FBXL7: variants seen among roughly 807,000 people sequenced by gnomAD.
FBXL7 encodes F-box and leucine rich repeat protein 7, also known as F-box/LRR-repeat protein 7.
FBXL7 carries 12 observed loss-of-function variants against 38.3 expected under a neutral mutation model. The observed-to-expected ratio is 0.31, with a 90% CI of 0.20 to 0.51. FBXL7 has a LOEUF of 0.51. Among genes scored for constraint, FBXL7 ranks in the 20% least tolerant of loss-of-function variants. FBXL7 has a pLI of 0.98. For synonymous variants in FBXL7, 297 were observed against 300.9 expected (o/e 0.99, Z 0.13); for missense variants, 567 against 676.4 (o/e 0.84, Z 1.79).
chr5:15,896,100 C>T (rs1741097812), intron 2 of FBXL7, among the ~76,000 whole-genome samples: 1 of 151,644 alleles, frequency 6.6e-6, no homozygotes, highest in South Asian at 2.1e-4. Flanking sequence ...TCTCAGCTCA[C>T]TGCAACCGCT....
At chr5:15,583,695 C>G (rs888094226) in intron 1 of FBXL7, among the ~76,000 whole-genome samples, 1 of 152,232 alleles carries the variant, frequency 6.6e-6, no homozygotes, top group Non-Finnish European at 1.5e-5. Flanking sequence ...AGCTGCTTCA[C>G]AGGCTGTCGT....
chr5:15,502,000 A>T (rs527475045), intron 1 of FBXL7, among the ~76,000 whole-genome samples: 2 of 151,326 alleles, frequency 1.3e-5, no homozygotes, highest in Non-Finnish European at 2.9e-5. Flanking sequence ...ATGTGAAAGT[A>T]TGCCAAAAAA....
At chr5:15,898,752 C>T (rs142580949) in intron 2 of FBXL7, among the ~76,000 whole-genome samples, 76 of 152,298 alleles carry the variant, frequency 5.0e-4, no homozygotes, top group Middle Eastern at 3.4e-3. Context: ...CATAGAAAAA[C>T]GGCAGCTCAG....
intron 2 of FBXL7, among the ~76,000 whole-genome samples, chr5:15,766,663 A>G (rs1333494368): frequency 2.0e-5 from 3 of 152,242 alleles, no homozygotes; most frequent in Non-Finnish European, 4.4e-5. Context: ...TATCTCTGGT[A>G]TATTCTTCTT....
intron 2 of FBXL7, among the ~76,000 whole-genome samples, chr5:15,616,729 G>T (rs930042882): frequency 6.6e-6 from 1 of 152,148 alleles, no homozygotes; most frequent in African/African-American, 2.4e-5. Context: ...TGTTTCTATT[G>T]TAATTATTTA....
chr5:15,824,646 A>G (rs1201887319), intron 2 of FBXL7, among the ~76,000 whole-genome samples: 1 of 152,122 alleles, frequency 6.6e-6, no homozygotes, highest in East Asian at 1.9e-4. Flanking sequence ...AGACAATAGC[A>G]ATTTTCTTTT....
chr5:15,738,108 G>A (rs1200574740), intron 2 of FBXL7, among the ~76,000 whole-genome samples: 7 of 152,106 alleles, frequency 4.6e-5, no homozygotes, highest in East Asian at 1.9e-4. Flanking sequence ...CACATTCTAC[G>A]AGGGAGGAGG....
At chr5:15,776,835 A>G (rs940178785) in intron 2 of FBXL7, among the ~76,000 whole-genome samples, 8 of 152,090 alleles carry the variant, frequency 5.3e-5, no homozygotes, top group Non-Finnish European at 1.2e-4. Flanking sequence ...ATTTATGGAG[A>G]TAATAATTAT....
Position 15,713,831 on chromosome 5 carries a change from T to C in FBXL7, c.127+97759T>C, listed in dbSNP as rs949736532. Among the ~76,000 whole-genome samples, 7 of 152,176 alleles carry C rather than the reference T, an allele frequency of 4.6e-5. No homozygotes were observed. In the South Asian group the frequency reaches 1.2e-3, roughly 27 times the overall value. The stretch of plus-strand genomic sequence containing the variant: ...TTGGAGAAAGAAGAATTAGGAAATG[T>C]GGAGAAAGTTTGGTGGATGATAAAA... On this transcript the variant is annotated intron_variant, in intron 2 of 3. Transcript: ENST00000504595.
At chr5:15,745,846 T>G (rs1202095902) in intron 2 of FBXL7, among the ~76,000 whole-genome samples, 3 of 151,736 alleles carry the variant, frequency 2.0e-5, no homozygotes, top group Non-Finnish European at 2.9e-5. Context: ...CATTGGAGAG[T>G]TTAAAGCAGA....
chr5:15,606,188 G>T (rs1239985562), intron 1 of FBXL7, among the ~76,000 whole-genome samples: 8 of 151,874 alleles, frequency 5.3e-5, no homozygotes, highest in Non-Finnish European at 7.4e-5. Flanking sequence ...TAGGTTTTTT[G>T]ATCAGTTTTC....
rs149675989 is a variant in FBXL7 at position 15,623,069 on chromosome 5, G to A, written c.127+6997G>A. Among the ~76,000 whole-genome samples, 727 of 152,234 alleles carry A rather than the reference G, an allele frequency of 4.8e-3. 5 individuals carry two copies. Among genetic ancestry groups the A allele is most frequent in the African/African-American group, 0.017 (702 of 41,550 alleles). ...CAGGAGGTTGGTGCAGTATTGTTTC[G>A]ATCAAATTAGAAAAAACATAACTTT... On this transcript the variant is annotated intron_variant, in intron 2 of 3. Coordinates refer to ENST00000504595, the MANE Select transcript of FBXL7 (RefSeq NM_012304.5).
In FBXL7 at chr5:15,580,558, ACT is replaced by A. The variant is rs1739105768; in HGVS notation, c.38-35420_38-35419del. 4 of 912,838 alleles carry A rather than the reference ACT, an allele frequency of 4.4e-6. No homozygotes were observed. In the South Asian group the frequency reaches 2.0e-4, roughly 46 times the overall value. The allele number at this position is 912,838 out of a possible 1,614,324, so 56.5% of individuals were successfully genotyped here. ...TCCTGGATAAGCAAACCAAGAAGCCACTCTCTTTTAGTCTTTAAACAAATCTT... is the reference window on the plus strand; with the variant it reads ...TCCTGGATAAGCAAACCAAGAAGCCACTCTTTTAGTCTTTAAACAAATCTT... On this transcript the variant is annotated intron_variant, in intron 1 of 3. Coordinates refer to ENST00000504595, the MANE Select transcript of FBXL7 (RefSeq NM_012304.5).
intron 2 of FBXL7, among the ~76,000 whole-genome samples, chr5:15,805,339 G>A (rs543603752): frequency 6.6e-6 from 1 of 152,292 alleles, no homozygotes; most frequent in South Asian, 2.1e-4. Flanking sequence ...GTAGGCCAGT[G>A]AGGAGGGATG....
At chr5:15,929,221 G>C (rs758197548) in intron 3 of FBXL7, among the ~76,000 whole-genome samples, 1 of 152,216 alleles carries the variant, frequency 6.6e-6, no homozygotes, top group African/African-American at 2.4e-5. Flanking sequence ...GATTTCACCA[G>C]CACTCTTCTT....
At chr5:15,804,372 G>A (rs1171622160) in intron 2 of FBXL7, among the ~76,000 whole-genome samples, 1 of 152,132 alleles carries the variant, frequency 6.6e-6, no homozygotes, top group Non-Finnish European at 1.5e-5. Flanking sequence ...CAGAGGCCGA[G>A]GTGGGAGGAT....
At chr5:15,841,257 A>C (rs1738739459) in intron 2 of FBXL7, among the ~76,000 whole-genome samples, 1 of 152,100 alleles carries the variant, frequency 6.6e-6, no homozygotes, top group African/African-American at 2.4e-5. Context: ...TATGAGAATC[A>C]TTTTTTGTTT....
At chr5:15,867,414 GTCCCATAAATAACATCTA>G (rs1348229744) in intron 2 of FBXL7, among the ~76,000 whole-genome samples, 1 of 152,154 alleles carries the variant, frequency 6.6e-6, no homozygotes, top group Admixed American at 6.5e-5. Flanking sequence ...GTTGGTGTCA[GTCCCATAAATAACATCTA>G]TCACATAGAC....
intron 1 of FBXL7, among the ~76,000 whole-genome samples, chr5:15,606,309 A>G (rs1231999757): frequency 6.6e-6 from 1 of 151,996 alleles, no homozygotes; most frequent in African/African-American, 2.4e-5. Context: ...ACACACACAC[A>G]ATGTACATGT....
Sources: allele counts gnomAD v4.1 joint callset (sites outside exome capture counted in the v4.1 genomes callset), GRCh38; gene constraint gnomAD v4.1.1; transcripts MANE v1.5; gene names NCBI Gene and HGNC (gene_info 2026-07-23, HGNC 2026-07-21).